USP9X: variants seen among roughly 807,000 people sequenced by gnomAD.
USP9X encodes the protein ubiquitin carboxyl-terminal hydrolase 9X.
USP9X carries 7 observed loss-of-function variants against 190.3 expected under a neutral mutation model. That is an observed-to-expected ratio of 0.04 (90% confidence interval 0.02 to 0.07). The LOEUF (loss-of-function observed/expected upper bound fraction) is 0.07, where lower values mean the gene tolerates loss of function less well. Among genes scored for constraint, USP9X ranks in the 10% least tolerant of loss-of-function variants. The pLI, the probability that USP9X is intolerant of heterozygous loss-of-function variation, is 1.00. For synonymous variants in USP9X, 645 were observed against 659.5 expected, an observed-to-expected ratio of 0.98 and a Z score of 0.34; for missense variants, 1,010 against 1,916.9, an observed-to-expected ratio of 0.53 and a Z score of 8.83.
chrX:41,093,306 G>A (rs757197703), intron 1 of USP9X, among the ~76,000 whole-genome samples: 1 of 112,523 alleles, frequency 8.9e-6, no homozygotes, highest in South Asian at 3.6e-4. Flanking sequence ...GGTTTCAGCA[G>A]CTTTGCTGTA....
chrX:41,173,496 T>G (rs2062746169), intron 21 of USP9X, among the ~76,000 whole-genome samples: 3 of 111,722 alleles, frequency 2.7e-5, no homozygotes. Flanking sequence ...TCAAGAACAC[T>G]TGAGAGTAAT....
chrX:41,099,449 G>A (rs953157337), intron 1 of USP9X, among the ~76,000 whole-genome samples: 1 of 110,717 alleles, frequency 9.0e-6, no homozygotes, highest in Non-Finnish European at 1.9e-5. Flanking sequence ...GCAGTAGGTC[G>A]TGTTGCTCTT....
chrX:41,145,630 C>A (rs5918123), intron 11 of USP9X, among the ~76,000 whole-genome samples: 2 of 111,313 alleles, frequency 1.8e-5, no homozygotes, highest in Non-Finnish European at 3.8e-5. Flanking sequence ...TGTAAAGTTC[C>A]GAAATGGGCA....
intron 21 of USP9X, among the ~76,000 whole-genome samples, chrX:41,176,840 C>T (rs1352061956): frequency 8.9e-6 from 1 of 112,246 alleles, no homozygotes; most frequent in Non-Finnish European, 1.9e-5. Context: ...GTTATAGAAA[C>T]GTGCTATAGC....
At chrX:41,200,025 C>T (rs1361357516) in intron 30 of USP9X, among the ~76,000 whole-genome samples, 1 of 111,387 alleles carries the variant, frequency 9.0e-6, no homozygotes, top group Non-Finnish European at 1.9e-5. Flanking sequence ...AAGAGAAAAT[C>T]GCTATTTAGA....
chrX:41,203,870 G>A (rs1246630276), intron 31 of USP9X, among the ~76,000 whole-genome samples: 4 of 110,416 alleles, frequency 3.6e-5, no homozygotes, highest in Non-Finnish European at 5.7e-5. Flanking sequence ...GCTAATTTTT[G>A]TATTTTTAGT....
intron 32 of USP9X, among the ~76,000 whole-genome samples, chrX:41,207,997 C>T (rs1486849350): frequency 9.1e-6 from 1 of 109,979 alleles, no homozygotes; most frequent in Admixed American, 9.7e-5. Flanking sequence ...TCTGTTTATG[C>T]TCTTCCAAAC....
chrX:41,194,089 C>T (rs1363094297), intron 26 of USP9X, among the ~76,000 whole-genome samples: 1 of 111,943 alleles, frequency 8.9e-6, no homozygotes, highest in African/African-American at 3.3e-5. Context: ...ATACGCCTGA[C>T]TTTGGTTTAC....
rs1191591626 is a variant in USP9X at position 41,190,988 on chromosome X, A to G, written c.3977+1513A>G. Among the ~76,000 whole-genome samples, 3 of 111,620 alleles carry G rather than the reference A, an allele frequency of 2.7e-5. No individual in the cohort carries two copies. The Admixed American group carries it at 2.9e-4, about 11-fold the overall frequency. ...TATTTCCCGTTAGTAAGAATTTGTC[A>G]GCAAGTCCGACTTGGACATTAATTA... On this transcript the variant is annotated intron_variant, in intron 26 of 44. Coordinates refer to ENST00000378308, the MANE Select transcript of USP9X (RefSeq NM_001039591.3).
At position 41,197,352 on chromosome X, in the gene USP9X, C is replaced by CCCCCCGGGGGGGGGGGG; in HGVS notation, c.4234-12_4234-11insCCCCCGGGGGGGGGGGG. The stretch of plus-strand genomic sequence containing the variant: ...TTCTTCCCCCCCCCACCCCACCCCC[C>CCCCCCGGGGGGGGGGGG]GCCTTTGGCAGGATGATGTTAAAAG... On this transcript the variant is annotated splice_polypyrimidine_tract_variant and intron_variant, in intron 28 of 44. Transcript: ENST00000378308. The CCCCCCGGGGGGGGGGGG allele has an allele frequency of 4.0e-6, 4 of 988,203 alleles. No individual in the cohort carries two copies. Among genetic ancestry groups the CCCCCCGGGGGGGGGGGG allele is most frequent in the African/African-American group, 2.1e-5 (1 of 48,169 alleles). The allele number at this position is 988,203 out of a possible 1,213,427, so 81.4% of individuals were successfully genotyped here.
At position 41,190,200 on chromosome X, in the gene USP9X, G is replaced by C. The variant is rs1306777657; in HGVS notation, c.3977+725G>C. ...TAATGACAAAATTCATTGATGAAAGGTTGATGTAAATTCACAATAAGTCAT... is the reference window on the plus strand; with the variant it reads ...TAATGACAAAATTCATTGATGAAAGCTTGATGTAAATTCACAATAAGTCAT... On this transcript the variant is annotated intron_variant, in intron 26 of 44. Coordinates refer to ENST00000378308, the MANE Select transcript of USP9X (RefSeq NM_001039591.3). Among the ~76,000 whole-genome samples, 3 of 112,082 alleles carry C rather than the reference G, an allele frequency of 2.7e-5. No individual in the cohort carries two copies. The East Asian group carries it at 8.3e-4, about 31-fold the overall frequency.
chrX:41,122,548 A>G (rs2062199330), intron 1 of USP9X, among the ~76,000 whole-genome samples: 1 of 111,916 alleles, frequency 8.9e-6, no homozygotes, highest in Non-Finnish European at 1.9e-5. Context: ...GTGAGCAGGT[A>G]CAGGAGCCAG....
At chrX:41,100,147 A>G (rs1008724806) in intron 1 of USP9X, among the ~76,000 whole-genome samples, 6 of 111,797 alleles carry the variant, frequency 5.4e-5, no homozygotes, top group Admixed American at 9.5e-5. Flanking sequence ...GTGCTGCTCT[A>G]TTGTAAATTA....
At chrX:41,169,965 G>T (rs1445582215) in intron 18 of USP9X, 30 bp from the exon 19 acceptor site, 1 of 1,205,902 alleles carries the variant, frequency 8.3e-7, no homozygotes, top group Non-Finnish European at 1.1e-6. Context: ...TGCTGAATAT[G>T]ATGATGTCTG....
chrX:41,130,523 T>C (rs751476259), intron 3 of USP9X, among the ~76,000 whole-genome samples: 2 of 104,116 alleles, frequency 1.9e-5, no homozygotes, highest in South Asian at 9.2e-4. Flanking sequence ...GGAGTCTCGC[T>C]CTGTCACCAG....
chrX:41,195,574 G>C (rs2062976723), intron 26 of USP9X, among the ~76,000 whole-genome samples: 1 of 111,481 alleles, frequency 9.0e-6, no homozygotes. Context: ...CAGTTTCATG[G>C]AAGACAATTT....
At chrX:41,202,418 G>A (rs1461556014) in intron 31 of USP9X, among the ~76,000 whole-genome samples, 1 of 112,410 alleles carries the variant, frequency 8.9e-6, no homozygotes, top group Non-Finnish European at 1.9e-5. Flanking sequence ...TGCTTACCAT[G>A]TAATATTTCC....
At chrX:41,118,442 G>A (rs1280537243) in intron 1 of USP9X, among the ~76,000 whole-genome samples, 1 of 111,888 alleles carries the variant, frequency 8.9e-6, no homozygotes, top group Non-Finnish European at 1.9e-5. Flanking sequence ...CACCCATATC[G>A]TAGCACCTGT....
intron 1 of USP9X, among the ~76,000 whole-genome samples, chrX:41,112,928 A>ATGTT (rs978909710): frequency 8.9e-6 from 1 of 112,333 alleles, no homozygotes. Flanking sequence ...TAAGCTATTA[A>ATGTT]TGTTTGCTGT....
Sources: gnomAD v4.1 joint callset for allele counts (sites outside exome capture counted in the v4.1 genomes callset) on GRCh38, gnomAD v4.1.1 for gene constraint, MANE v1.5 for transcripts, NCBI Gene and HGNC (gene_info 2026-07-23, HGNC 2026-07-21) for gene names.